DIPK1A: variants seen among roughly 807,000 people sequenced by gnomAD.
The protein encoded by DIPK1A is divergent protein kinase domain 1A, also known as family with sequence similarity 69 member A.
DIPK1A carries 27 observed loss-of-function variants against 40.8 expected under a neutral mutation model. The ratio of observed to expected loss-of-function variants is 0.66; its 90% confidence interval spans 0.49 to 0.91. DIPK1A has a LOEUF of 0.91. Ranked by LOEUF, DIPK1A falls within the 40% of genes least tolerant of loss-of-function variation. The probability of loss-of-function intolerance (pLI) is 0.00; values close to 1 mark genes in which losing one functional copy is unlikely to be tolerated. For missense variants in DIPK1A, 412 were observed against 505.7 expected (o/e 0.81, Z 1.78); for synonymous variants, 166 against 171.3 (o/e 0.97, Z 0.24).
downstream of DIPK1A, chr1:92,842,080 C>G (rs1332075933): frequency 1.9e-5 from 15 of 806,216 alleles, no homozygotes; most frequent in Non-Finnish European, 2.6e-5. Flanking sequence ...TCTGTTTTAC[C>G]TGACAGGAGT....
chr1:92,955,406 A>G lies in DIPK1A; in HGVS notation c.54+5970T>C, dbSNP rs1162385140. On this transcript the variant is annotated intron_variant, in intron 1 of 4. Coordinates refer to ENST00000370310, the MANE Select transcript of DIPK1A (RefSeq NM_001006605.5). The stretch of plus-strand genomic sequence containing the variant: ...TACCATTATGTGGGGGATGTTAAAT[A>G]TAGGGGAGGGGGCTGGGCACGGTGG... Among the ~76,000 whole-genome samples, 23 of 152,116 alleles carry G rather than the reference A, an allele frequency of 1.5e-4. 1 individual carries two copies. The highest frequency in any genetic ancestry group is 1.5e-3 in the Admixed American group (23 of 15,268).
At chr1:92,877,483 G>C (rs543355821) in intron 1 of DIPK1A, among the ~76,000 whole-genome samples, 1 of 152,282 alleles carries the variant, frequency 6.6e-6, no homozygotes, top group South Asian at 2.1e-4. Flanking sequence ...AGAGATGAGA[G>C]AGACATAAGC....
Position 92,942,544 on chromosome 1 carries a change from G to C in DIPK1A, c.54+18832C>G, listed in dbSNP as rs114801796. On this transcript the variant is annotated intron_variant, in intron 1 of 4. Coordinates refer to ENST00000370310, the MANE Select transcript of DIPK1A (RefSeq NM_001006605.5). ...TTTTCTTTTTCTTTTTTATCAAAATGAACTGTATACAAGATTTTCTGGGGA... is the reference window on the plus strand; with the variant it reads ...TTTTCTTTTTCTTTTTTATCAAAATCAACTGTATACAAGATTTTCTGGGGA... Among the ~76,000 whole-genome samples the C allele has an allele frequency of 7.4e-3, 1,117 of 151,948 alleles. 6 individuals are homozygous for C. The highest frequency in any genetic ancestry group is 0.012 in the Admixed American group (185 of 15,276).
chr1:92,844,241 C>G (rs1483429337), intron 4 of DIPK1A, 46 bp from the exon 5 acceptor site: 4 of 1,181,454 alleles, frequency 3.4e-6, no homozygotes, highest in Non-Finnish European at 4.8e-6. Context: ...AAAAATACCT[C>G]CCATGCAACA....
chr1:92,842,044 G>A, downstream of DIPK1A: 2 of 808,492 alleles, frequency 2.5e-6, no homozygotes, highest in Non-Finnish European at 3.6e-6. Context: ...AACTTTTTAA[G>A]AAAAAAAGTT....
chr1:92,861,181 G>T (rs970725709), intron 2 of DIPK1A, among the ~76,000 whole-genome samples: 5 of 152,018 alleles, frequency 3.3e-5, no homozygotes, highest in Non-Finnish European at 5.9e-5. Context: ...TAAGATGTTG[G>T]CTGTGGGTTT....
intron 1 of DIPK1A, among the ~76,000 whole-genome samples, chr1:92,938,088 G>A (rs1166711904): frequency 5.9e-5 from 9 of 151,576 alleles, no homozygotes; most frequent in Admixed American, 1.3e-4. Context: ...CCTGGGCAAC[G>A]TGGTGAAACC....
chr1:92,873,870 C>T lies in DIPK1A; in HGVS notation c.189+2426G>A, dbSNP rs149696352. 7.6e-4 allele frequency among the ~76,000 whole-genome samples: 115 copies of T among 152,200 alleles called. No individual in the cohort carries two copies. The East Asian group carries it at 0.022, about 29-fold the overall frequency. On this transcript the variant is annotated intron_variant, in intron 2 of 4. Coordinates refer to ENST00000370310, the MANE Select transcript of DIPK1A (RefSeq NM_001006605.5). ...GGGACAACATGTGCATGCCATCATGCCTGGCTAAAATATACTTTAACAATA... is the reference window on the plus strand; with the variant it reads ...GGGACAACATGTGCATGCCATCATGTCTGGCTAAAATATACTTTAACAATA...
rs1287664429 is a variant in DIPK1A, at chr1:92,946,418, A to C, written c.54+14958T>G. ...AAGAGAGGAAAAAACAGGTAGAAAA[A>C]GGAGCACATGTTCTCATGTCCCTTC... On this transcript the variant is annotated intron_variant, in intron 1 of 4. Transcript: ENST00000370310. Among the ~76,000 whole-genome samples the C allele has an allele frequency of 4.6e-5, 7 of 152,340 alleles. No homozygotes were observed. The South Asian group carries it at 1.4e-3, about 32-fold the overall frequency.
intron 2 of DIPK1A, among the ~76,000 whole-genome samples, chr1:92,859,125 G>A (rs1020628061): frequency 3.3e-5 from 5 of 152,070 alleles, no homozygotes; most frequent in African/African-American, 1.2e-4. Flanking sequence ...CCACAAGGGG[G>A]CAATAACAAT....
intron 2 of DIPK1A, among the ~76,000 whole-genome samples, chr1:92,855,485 G>A (rs1687956558): frequency 6.6e-6 from 1 of 152,008 alleles, no homozygotes; most frequent in Admixed American, 6.6e-5. Context: ...GACTGCTTGA[G>A]GCCAGAAGTT....
intron 2 of DIPK1A, among the ~76,000 whole-genome samples, chr1:92,872,236 C>G (rs911190085): frequency 6.6e-6 from 1 of 151,738 alleles, no homozygotes; most frequent in Non-Finnish European, 1.5e-5. Flanking sequence ...TGTGCCACTA[C>G]ACTCGGCTAA....
At chr1:92,959,393 C>G (rs529958226) in intron 1 of DIPK1A, among the ~76,000 whole-genome samples, 81 of 150,922 alleles carry the variant, frequency 5.4e-4, no homozygotes, top group African/African-American at 1.8e-3. Context: ...GGGCATATGA[C>G]AGTTCATTAT....
At chr1:92,886,506 C>T (rs1648605930) in intron 1 of DIPK1A, among the ~76,000 whole-genome samples, 1 of 151,898 alleles carries the variant, frequency 6.6e-6, no homozygotes, top group Non-Finnish European at 1.5e-5. Context: ...TATACATCCA[C>T]TTAAATATCA....
chr1:92,848,010 T>C lies in DIPK1A; in HGVS notation c.298-651A>G, dbSNP rs971709817. Among the ~76,000 whole-genome samples the C allele has an allele frequency of 2.6e-5, 4 of 152,172 alleles. No individual in the cohort carries two copies. The South Asian group carries it at 8.3e-4, about 32-fold the overall frequency. ...CCTCAGCCTCTCAAGTTGCTGGGAT[T>C]GTAGGTATGAGGCACCACACCTGGC... On this transcript the variant is annotated intron_variant, in intron 3 of 4. Transcript: ENST00000370310.
intron 1 of DIPK1A, among the ~76,000 whole-genome samples, chr1:92,948,961 T>C (rs1651515474): frequency 6.6e-6 from 1 of 150,560 alleles, no homozygotes; most frequent in African/African-American, 2.4e-5. Context: ...ACCACCACCA[T>C]ACCCGGCTAA....
intron 1 of DIPK1A, among the ~76,000 whole-genome samples, chr1:92,948,849 G>A (rs949557008): frequency 1.3e-5 from 2 of 150,194 alleles, no homozygotes; most frequent in African/African-American, 4.9e-5. Context: ...TTGTTGCCCA[G>A]GCTGGAGTGC....
chr1:92,941,981 C>T (rs571804540), intron 1 of DIPK1A, among the ~76,000 whole-genome samples: 14 of 148,974 alleles, frequency 9.4e-5, no homozygotes, highest in East Asian at 7.8e-4. Flanking sequence ...CAGAGGGAGA[C>T]TCTGTCTCAA....
intron 2 of DIPK1A, among the ~76,000 whole-genome samples, chr1:92,868,583 T>C (rs1193355416): frequency 6.6e-6 from 1 of 152,188 alleles, no homozygotes; most frequent in Non-Finnish European, 1.5e-5. Flanking sequence ...CTACGAAACA[T>C]TGCTATTACA....
Sources: gnomAD v4.1 joint callset for allele counts (sites outside exome capture counted in the v4.1 genomes callset) on GRCh38, gnomAD v4.1.1 for gene constraint, MANE v1.5 for transcripts, NCBI Gene and HGNC (gene_info 2026-07-23, HGNC 2026-07-21) for gene names.